The following PCED1B variants were observed in gnomAD, a reference collection of about 807,000 sequenced individuals.
PCED1B encodes PC-esterase domain containing 1B.
For missense variants in PCED1B, 573 were observed against 573.9 expected (o/e 1.00, Z 0.02); for synonymous variants, 251 against 246.1 (o/e 1.02, Z -0.19).
At chr12:47,147,640 A>G (rs926845149) in intron 2 of PCED1B, among the ~76,000 whole-genome samples, 2 of 151,968 alleles carry the variant, frequency 1.3e-5, no homozygotes, top group African/African-American at 4.8e-5. Context: ...TCCATGTTCT[A>G]TTTCTATTGA....
chr12:47,162,262 T>TA (rs142460333), intron 2 of PCED1B, among the ~76,000 whole-genome samples: 27 of 149,324 alleles, frequency 1.8e-4, no homozygotes, highest in East Asian at 5.8e-4. Context: ...AAAGTATACT[T>TA]AAAAAAAAAA....
intron 3 of PCED1B, among the ~76,000 whole-genome samples, chr12:47,224,920 A>C (rs556517854): frequency 2.0e-4 from 31 of 152,174 alleles, no homozygotes; most frequent in Admixed American, 9.2e-4. Context: ...GTTATTTGGC[A>C]ATTCTTTTTC....
intron 2 of PCED1B, among the ~76,000 whole-genome samples, chr12:47,214,518 A>G (rs1943189513): frequency 6.6e-6 from 1 of 152,114 alleles, no homozygotes; most frequent in Non-Finnish European, 1.5e-5. Flanking sequence ...GGAGAAAAAA[A>G]CATTTTTGGC....
chr12:47,140,693 T>C (rs1444306188), intron 2 of PCED1B, among the ~76,000 whole-genome samples: 2 of 152,318 alleles, frequency 1.3e-5, no homozygotes, highest in African/African-American at 4.8e-5. Context: ...ACAAAAGATA[T>C]GACAGAATTT....
intron 2 of PCED1B, among the ~76,000 whole-genome samples, chr12:47,135,231 G>A (rs1007652798): frequency 2.0e-5 from 3 of 152,100 alleles, no homozygotes; most frequent in African/African-American, 7.2e-5. Context: ...TCCTTCAAAG[G>A]ATATATGCAA....
intron 1 of PCED1B, among the ~76,000 whole-genome samples, chr12:47,089,481 T>G (rs1430768669): frequency 2.2e-5 from 2 of 92,688 alleles, no homozygotes; most frequent in Middle Eastern, 4.3e-3. Context: ...TATATATATA[T>G]ATATATATAT....
At chr12:47,234,970 G>T (rs1283992968) in intron 3 of PCED1B, 37 bp from the exon 4 acceptor site, 5 of 1,230,104 alleles carry the variant, frequency 4.1e-6, no homozygotes, top group South Asian at 3.5e-5. Context: ...CCGCCCAGAG[G>T]TGAGTCCCTC....
chr12:47,212,973 A>G (rs1180903685), intron 2 of PCED1B, among the ~76,000 whole-genome samples: 1 of 152,216 alleles, frequency 6.6e-6, no homozygotes, highest in Non-Finnish European at 1.5e-5. Flanking sequence ...CATAAAACAT[A>G]AGAATTCTAA....
intron 2 of PCED1B, among the ~76,000 whole-genome samples, chr12:47,105,382 G>A (rs1938901378): frequency 6.6e-6 from 1 of 152,190 alleles, no homozygotes; most frequent in African/African-American, 2.4e-5. Context: ...GACCAGTGCG[G>A]AAAGAAAGTT....
intron 2 of PCED1B, among the ~76,000 whole-genome samples, chr12:47,186,487 G>A (rs10748463): frequency 0.61 from 92,354 of 151,694 alleles, 28,611 homozygotes; most frequent in South Asian, 0.69. Context: ...GTAGAGGGGG[G>A]CACTTTCACA....
In PCED1B at chr12:47,084,973, G is replaced by A. The variant is rs960633070; in HGVS notation, c.-609+5248G>A. 7.2e-5 allele frequency among the ~76,000 whole-genome samples: 11 copies of A among 152,100 alleles called. No individual in the cohort carries two copies. In the East Asian group the frequency reaches 9.7e-4, roughly 13 times the overall value. ...CCAACATCTCTTCTGGCAAATCCCCGTCTCTACTAAAGTTACAAAAATTAG... is the reference window on the plus strand; with the variant it reads ...CCAACATCTCTTCTGGCAAATCCCCATCTCTACTAAAGTTACAAAAATTAG... On this transcript the variant is annotated intron_variant, in intron 1 of 3. Transcript: ENST00000546455.
intron 3 of PCED1B, among the ~76,000 whole-genome samples, chr12:47,234,006 C>T (rs566227431): frequency 6.6e-5 from 10 of 151,396 alleles, no homozygotes; most frequent in Non-Finnish European, 1.3e-4. Context: ...TGTTTGTTTT[C>T]TGAGACGGAG....
chr12:47,193,625 T>C (rs1301914865), intron 2 of PCED1B, among the ~76,000 whole-genome samples: 1 of 152,218 alleles, frequency 6.6e-6, no homozygotes, highest in Non-Finnish European at 1.5e-5. Context: ...GACAAAGATA[T>C]ACTTCTGCCC....
rs150642179 is a variant in PCED1B, at chr12:47,161,882, G to A, written c.-525-54340G>A. Among the ~76,000 whole-genome samples, 478 of 152,304 alleles carry A rather than the reference G, an allele frequency of 3.1e-3. 3 individuals carry two copies. The highest frequency in any genetic ancestry group is 8.9e-3 in the African/African-American group (369 of 41,560). ...CCAACCCATATGTCCAACAATGATA[G>A]ACTGGAGTAAGAAAATGTGGCACAT... On this transcript the variant is annotated intron_variant, in intron 2 of 3. Coordinates refer to ENST00000546455, the MANE Select transcript of PCED1B (RefSeq NM_138371.3).
At chr12:47,226,139 G>GTC (rs1943624408) in intron 3 of PCED1B, among the ~76,000 whole-genome samples, 1 of 151,972 alleles carries the variant, frequency 6.6e-6, no homozygotes. Flanking sequence ...AATTTACTTT[G>GTC]AAAACAGAAA....
At chr12:47,184,563 G>T (rs557283595) in intron 2 of PCED1B, among the ~76,000 whole-genome samples, 2 of 151,450 alleles carry the variant, frequency 1.3e-5, no homozygotes, top group South Asian at 2.1e-4. Flanking sequence ...CTAAGTAAAA[G>T]AATTTTTAAA....
At chr12:47,189,669 C>T (rs771736057) in intron 2 of PCED1B, among the ~76,000 whole-genome samples, 1 of 152,192 alleles carries the variant, frequency 6.6e-6, no homozygotes, top group Non-Finnish European at 1.5e-5. Context: ...CAGCATAGCA[C>T]CATGGACTTA....
At chr12:47,135,689 G>A in intron 2 of PCED1B, 2 of 526,732 alleles carry the variant, frequency 3.8e-6, no homozygotes, top group South Asian at 1.4e-5. Flanking sequence ...AGTCCGGGCA[G>A]CAGGAATTCT....
At chr12:47,226,832 C>CAT in intron 3 of PCED1B, among the ~76,000 whole-genome samples, 1 of 152,104 alleles carries the variant, frequency 6.6e-6, no homozygotes, top group African/African-American at 2.4e-5. Context: ...CTAAAATGAT[C>CAT]GCTGATCTGG....
Sources: gnomAD v4.1 joint callset for allele counts (sites outside exome capture counted in the v4.1 genomes callset) on GRCh38, gnomAD v4.1.1 for gene constraint, MANE v1.5 for transcripts, NCBI Gene and HGNC (gene_info 2026-07-23, HGNC 2026-07-21) for gene names.